HCN1: variants seen among roughly 807,000 people sequenced by gnomAD.
HCN1 encodes potassium/sodium hyperpolarization-activated cyclic nucleotide-gated channel 1.
A neutral mutation model predicts 78.9 loss-of-function variants in HCN1; 13 were observed. The ratio of observed to expected loss-of-function variants is 0.16; its 90% confidence interval spans 0.11 to 0.26. The LOEUF is 0.26. Among genes scored for constraint, HCN1 ranks in the 10% least tolerant of loss-of-function variants. The probability of loss-of-function intolerance (pLI) is 1.00; values close to 1 mark genes in which losing one functional copy is unlikely to be tolerated. For missense variants in HCN1, 810 were observed against 1,154.3 expected (o/e 0.70, Z 4.32); for synonymous variants, 552 against 455.5 (o/e 1.21, Z -2.70).
chr5:45,466,575 G>T (rs546496398), intron 2 of HCN1, among the ~76,000 whole-genome samples: 3 of 152,152 alleles, frequency 2.0e-5, no homozygotes, highest in African/African-American at 7.2e-5. Flanking sequence ...TTCGGCACCT[G>T]CACGATTTGT....
At position 45,272,080 on chromosome 5, in the gene HCN1, C is replaced by T. The variant is rs111962458; in HGVS notation, c.1619-4827G>A. ...TTAAGAAATGGCACACCCTTAGCAA[C>T]GAAAAAAGAGTAAACTTTCTGATCA... On this transcript the variant is annotated intron_variant, in intron 6 of 7. Coordinates refer to ENST00000303230, the MANE Select transcript of HCN1 (RefSeq NM_021072.4). 9.6e-3 allele frequency among the ~76,000 whole-genome samples: 1,453 copies of T among 151,918 alleles called. 21 individuals carry two copies. Among genetic ancestry groups the T allele is most frequent in the African/African-American group, 0.034 (1,395 of 41,490 alleles).
chr5:45,613,570 T>C lies in HCN1; in HGVS notation c.849+31615A>G, dbSNP rs574700828. Among the ~76,000 whole-genome samples, 63 of 151,896 alleles carry C rather than the reference T, an allele frequency of 4.1e-4. No individual in the cohort carries two copies. In the South Asian group the frequency reaches 4.2e-3, roughly 10 times the overall value. ...AGTCAGTGTGGCGATTCCTCAGGGA[T>C]CTAGAACTGGAAATACCATTTGACC... On this transcript the variant is annotated intron_variant, in intron 2 of 7. Transcript: ENST00000303230.
chr5:45,363,454 G>C (rs1479889696), intron 4 of HCN1, among the ~76,000 whole-genome samples: 1 of 151,800 alleles, frequency 6.6e-6, no homozygotes, highest in Non-Finnish European at 1.5e-5. Flanking sequence ...CTATCCTTCA[G>C]AGAAACAAGT....
intron 5 of HCN1, among the ~76,000 whole-genome samples, chr5:45,339,166 T>C (rs1746523400): frequency 1.3e-5 from 2 of 152,144 alleles, no homozygotes; most frequent in Admixed American, 1.3e-4. Context: ...TTTTACTCAG[T>C]AAATATTTCA....
chr5:45,422,800 C>A (rs1740254841), intron 3 of HCN1, among the ~76,000 whole-genome samples: 1 of 151,934 alleles, frequency 6.6e-6, no homozygotes, highest in African/African-American at 2.4e-5. Context: ...CTGCAACTCA[C>A]AAAGTCATAT....
chr5:45,584,653 TG>T (rs1412846170), intron 2 of HCN1, among the ~76,000 whole-genome samples: 1 of 152,224 alleles, frequency 6.6e-6, no homozygotes, highest in African/African-American at 2.4e-5. Flanking sequence ...GGCATGTTTT[TG>T]CAGTGGCTGA....
chr5:45,339,374 A>G (rs1746528298), intron 5 of HCN1, among the ~76,000 whole-genome samples: 1 of 152,198 alleles, frequency 6.6e-6, no homozygotes, highest in African/African-American at 2.4e-5. Flanking sequence ...GGAAAGTAGA[A>G]GGTAAGCTGA....
chr5:45,395,361 G>A lies in HCN1; in HGVS notation c.1230+1131C>T, dbSNP rs140170230. On this transcript the variant is annotated intron_variant, in intron 4 of 7. Coordinates refer to ENST00000303230, the MANE Select transcript of HCN1 (RefSeq NM_021072.4). ...TCTCTTCTTCCTTACTACGTTCTTCGTTCTTTCCAATTCATTTGGAGACTA... is the reference window on the plus strand; with the variant it reads ...TCTCTTCTTCCTTACTACGTTCTTCATTCTTTCCAATTCATTTGGAGACTA... Among the ~76,000 whole-genome samples, 79 of 152,050 alleles carry A rather than the reference G, an allele frequency of 5.2e-4. 1 individual carries two copies. Among genetic ancestry groups the A allele is most frequent in the African/African-American group, 1.6e-3 (68 of 41,498 alleles).
At position 45,267,083 on chromosome 5, in the gene HCN1, G is replaced by T; in HGVS notation, c.1783+6C>A. On this transcript the variant is annotated splice_donor_region_variant and intron_variant, in intron 7 of 7. Coordinates refer to ENST00000303230, the MANE Select transcript of HCN1 (RefSeq NM_021072.4). ...TTTATATAAAGAAGGTAGAAAACTA[G>T]AGTACCTATTCGATCTAGTCGGTCA... The T allele has an allele frequency of 1.2e-6, 2 of 1,607,058 alleles. No homozygotes were observed. Among genetic ancestry groups the T allele is most frequent in the Non-Finnish European group, 1.7e-6 (2 of 1,174,364 alleles).
At chr5:45,523,704 T>G (rs9763399) in intron 2 of HCN1, among the ~76,000 whole-genome samples, 151,870 of 152,174 alleles carry the variant, frequency 1, 75,784 homozygotes, top group East Asian at 1. Flanking sequence ...TTTTGATGGG[T>G]TTGTTTGCTT....
At chr5:45,390,345 T>C (rs1739513578) in intron 4 of HCN1, among the ~76,000 whole-genome samples, 2 of 152,146 alleles carry the variant, frequency 1.3e-5, no homozygotes, top group Admixed American at 1.3e-4. Flanking sequence ...ATATAAGGAA[T>C]ACAAATACAG....
intron 2 of HCN1, among the ~76,000 whole-genome samples, chr5:45,609,337 A>G (rs1441450501): frequency 6.6e-6 from 1 of 152,146 alleles, no homozygotes; most frequent in Non-Finnish European, 1.5e-5. Context: ...AATAAGATAG[A>G]TAATTTAACA....
At chr5:45,599,909 A>T (rs1744589578) in intron 2 of HCN1, among the ~76,000 whole-genome samples, 1 of 152,042 alleles carries the variant, frequency 6.6e-6, no homozygotes, top group South Asian at 2.1e-4. Context: ...TTAACATGGA[A>T]GTTTCTTCTT....
chr5:45,592,363 T>G (rs1478958828), intron 2 of HCN1, among the ~76,000 whole-genome samples: 1 of 152,128 alleles, frequency 6.6e-6, no homozygotes, highest in Non-Finnish European at 1.5e-5. Flanking sequence ...AGACTAACCA[T>G]GGAACACTAA....
chr5:45,357,251 T>C (rs1289636653), intron 4 of HCN1, among the ~76,000 whole-genome samples: 1 of 152,044 alleles, frequency 6.6e-6, no homozygotes, highest in Non-Finnish European at 1.5e-5. Context: ...TGTCTGAAAT[T>C]GTCTTTATTA....
intron 4 of HCN1, among the ~76,000 whole-genome samples, chr5:45,355,763 T>C (rs949317166): frequency 7.2e-5 from 11 of 151,922 alleles, no homozygotes; most frequent in Non-Finnish European, 1.2e-4. Flanking sequence ...TAATTAAGGG[T>C]ACTGTTAATA....
chr5:45,477,815 C>T (rs1741549847), intron 2 of HCN1, among the ~76,000 whole-genome samples: 1 of 151,958 alleles, frequency 6.6e-6, no homozygotes, highest in Non-Finnish European at 1.5e-5. Flanking sequence ...GGTATTCAAC[C>T]TCTGCATAAA....
chr5:45,381,857 C>G (rs1747815419), intron 4 of HCN1, among the ~76,000 whole-genome samples: 1 of 152,112 alleles, frequency 6.6e-6, no homozygotes, highest in Non-Finnish European at 1.5e-5. Flanking sequence ...AAACTAAAAA[C>G]AAATCATATT....
At chr5:45,392,707 A>G (rs778886891) in intron 4 of HCN1, among the ~76,000 whole-genome samples, 5 of 151,504 alleles carry the variant, frequency 3.3e-5, no homozygotes, top group Non-Finnish European at 7.4e-5. Context: ...AATTGCTGGA[A>G]CTCGGGAGGT....
Sources: allele counts gnomAD v4.1 joint callset (sites outside exome capture counted in the v4.1 genomes callset), GRCh38; gene constraint gnomAD v4.1.1; transcripts MANE v1.5; gene names NCBI Gene and HGNC (gene_info 2026-07-23, HGNC 2026-07-21).